LEPROTL1: variants seen among roughly 807,000 people sequenced by gnomAD.
LEPROTL1 encodes the protein leptin receptor overlapping transcript like 1.
Under a neutral mutation model 15.4 loss-of-function variants are expected in LEPROTL1, and 6 were observed. The observed-to-expected ratio is 0.39, with a 90% CI of 0.21 to 0.77. The LOEUF is 0.77. Among genes scored for constraint, LEPROTL1 ranks in the 30% least tolerant of loss-of-function variants. LEPROTL1 has a pLI of 0.41. For synonymous variants in LEPROTL1, 56 were observed against 52.6 expected (o/e 1.06, Z -0.28); for missense variants, 128 against 158.1 (o/e 0.81, Z 1.02).
intron 3 of LEPROTL1, among the ~76,000 whole-genome samples, chr8:30,123,575 A>G (rs1317088880): frequency 6.6e-6 from 1 of 152,226 alleles, no homozygotes. Flanking sequence ...CTCATGTCAT[A>G]CTAGCATTCC....
intron 3 of LEPROTL1, among the ~76,000 whole-genome samples, chr8:30,130,783 T>TTC (rs1240056772): frequency 6.7e-6 from 1 of 148,742 alleles, no homozygotes; most frequent in East Asian, 2.0e-4. Flanking sequence ...AAAAAAAAAT[T>TTC]TTTTTTTTTT....
rs1015624204 is a variant in LEPROTL1, at chr8:30,096,263, A to G, written c.16+735A>G. 1.4e-5 allele frequency: 14 copies of G among 965,790 alleles called. No homozygotes were observed. In the African/African-American group the frequency reaches 2.3e-4, roughly 16 times the overall value. The allele number at this position is 965,790 out of a possible 1,614,324, so 59.8% of individuals were successfully genotyped here. On this transcript the variant is annotated intron_variant, in intron 1 of 3. Coordinates refer to ENST00000321250, the MANE Select transcript of LEPROTL1 (RefSeq NM_015344.3). ...TTAATGAAAAACTACTGGCTTATTC[A>G]TGTATTTTCTTTTAAAAAAAGGAAT...
chr8:30,137,362 G>T, exon 5 of LEPROTL1: 2 of 1,551,672 alleles, frequency 1.3e-6, no homozygotes, highest in East Asian at 2.4e-5. Context: ...CCCAGCAGCC[G>T]CCATGAGAAG....
intron 3 of LEPROTL1, among the ~76,000 whole-genome samples, chr8:30,126,136 A>C (rs1340004626): frequency 1.3e-5 from 2 of 152,166 alleles, no homozygotes; most frequent in Non-Finnish European, 2.9e-5. Flanking sequence ...ATCTATCTAT[A>C]ATCTTGCCTG....
intron 3 of LEPROTL1, among the ~76,000 whole-genome samples, chr8:30,128,915 A>G (rs1802948609): frequency 6.6e-6 from 1 of 150,482 alleles, no homozygotes; most frequent in African/African-American, 2.4e-5. Context: ...TTTTTGAGAC[A>G]GAGTCTGAAA....
chr8:30,122,636 C>CA (rs1041345102), intron 3 of LEPROTL1, among the ~76,000 whole-genome samples: 6 of 151,898 alleles, frequency 4.0e-5, no homozygotes, highest in African/African-American at 2.4e-5. Context: ...ACTTAAAATA[C>CA]AAAAAAAATT....
intron 4 of LEPROTL1, among the ~76,000 whole-genome samples, chr8:30,134,407 G>A (rs1416209053): frequency 6.6e-6 from 1 of 150,920 alleles, no homozygotes; most frequent in Non-Finnish European, 1.5e-5. Context: ...TGGTGATAGA[G>A]CGAGACTGCA....
chr8:30,096,498 A>G (rs1273388527), intron 1 of LEPROTL1: 4 of 469,430 alleles, frequency 8.5e-6, no homozygotes, highest in African/African-American at 6.4e-5. Context: ...TTTCAGGGTC[A>G]CAGTCTTACT....
At chr8:30,099,719 G>A (rs1802432481) in intron 1 of LEPROTL1, among the ~76,000 whole-genome samples, 1 of 151,980 alleles carries the variant, frequency 6.6e-6, no homozygotes, top group Admixed American at 6.6e-5. Context: ...AAAGGACCAT[G>A]CCTCATTCAC....
exon 4 of LEPROTL1, chr8:30,132,432 A>G: frequency 6.4e-7 from 1 of 1,551,688 alleles, no homozygotes; most frequent in Middle Eastern, 1.7e-4. Flanking sequence ...GACCAAGCTC[A>G]GGCCCAAAGC....
At position 30,117,563 on chromosome 8, in the gene LEPROTL1, C is replaced by T. The variant is rs921661300; in HGVS notation, c.279+13077C>T. On this transcript the variant is annotated intron_variant, in intron 3 of 4. Coordinates refer to the LEPROTL1 transcript ENST00000442880. ...CAAATCTGGGGCTGATCACTCCACACTTGTTTAGCCTGTCTGTGAGGTTCA... is the reference window on the plus strand; with the variant it reads ...CAAATCTGGGGCTGATCACTCCACATTTGTTTAGCCTGTCTGTGAGGTTCA... The T allele has an allele frequency of 4.4e-6, 6 of 1,350,628 alleles. No individual in the cohort carries two copies. In the African/African-American group the frequency reaches 7.2e-5, roughly 16 times the overall value. The allele number at this position is 1,350,628 out of a possible 1,614,324, so 83.7% of individuals were successfully genotyped here.
Position 30,114,276 on chromosome 8 carries a change from TTTTTGTTTTG to T in LEPROTL1, c.279+9805_279+9814del, listed in dbSNP as rs3049944. ...AGAATGACACATCTTACATGATATT[TTTTTGTTTTG>T]TTTTGTTTTGTTTTATTTTTTTGAG... On this transcript the variant is annotated intron_variant, in intron 3 of 4. Transcript: ENST00000442880. Among the ~76,000 whole-genome samples, 4 of 149,428 alleles carry T rather than the reference TTTTTGTTTTG, an allele frequency of 2.7e-5. 1 individual carries two copies. The highest frequency in any genetic ancestry group is 7.4e-5 in the African/African-American group (3 of 40,420).
At chr8:30,135,280 A>C (rs1289027823) in intron 4 of LEPROTL1, among the ~76,000 whole-genome samples, 3 of 152,206 alleles carry the variant, frequency 2.0e-5, no homozygotes, top group Non-Finnish European at 4.4e-5. Context: ...TAAACATTAG[A>C]GATGCAAATA....
rs1802343178 is a variant in LEPROTL1 at position 30,095,457 on chromosome 8, C to G, written c.-56C>G. 1 of 1,461,996 alleles carries G rather than the reference C, an allele frequency of 6.8e-7. No individual in the cohort carries two copies. Among genetic ancestry groups the G allele is most frequent in the Non-Finnish European group, 9.0e-7 (1 of 1,110,768 alleles). 90.6% of individuals were successfully genotyped at this position (1,461,996 alleles called of 1,614,324 possible). On this transcript the variant is annotated 5_prime_UTR_variant, in exon 1 of 4. Coordinates refer to ENST00000321250, the MANE Select transcript of LEPROTL1 (RefSeq NM_015344.3). Reference sequence around the variant, plus strand: ...CCGTAGCGCGTCTTGGGTCTCCCGGCTGCCGCTGCTGCCGCCGCCGCCTCG... The same window carrying G: ...CCGTAGCGCGTCTTGGGTCTCCCGGGTGCCGCTGCTGCCGCCGCCGCCTCG...
chr8:30,095,559 TGGGGCCGGCG>T (rs1802345891), intron 1 of LEPROTL1, 31 bp downstream of exon 1: 1 of 1,359,886 alleles, frequency 7.4e-7, no homozygotes. Flanking sequence ...GCGGGAGGGC[TGGGGCCGGCG>T]GGGGAAGATG....
Position 30,106,393 on chromosome 8 carries a change from G to C in LEPROTL1, c.*531G>C, listed in dbSNP as rs563318253. 3 of 985,708 alleles carry C rather than the reference G, an allele frequency of 3.0e-6. No homozygotes were observed. The African/African-American group carries it at 5.2e-5, about 17-fold the overall frequency. 61.1% of individuals were successfully genotyped at this position (985,708 alleles called of 1,614,324 possible). A position where few individuals can be genotyped will look rare whatever the true frequency, so the allele number is the denominator to read the frequency against. On this transcript the variant is annotated 3_prime_UTR_variant, in exon 4 of 4. Coordinates refer to ENST00000321250, the MANE Select transcript of LEPROTL1 (RefSeq NM_015344.3). ...GCATACGTTATAGACTGTATACTCA[G>C]TGCAAATATAGCTGCATTTATACCT...
At chr8:30,097,859 T>C (rs1432890177) in intron 1 of LEPROTL1, among the ~76,000 whole-genome samples, 1 of 151,862 alleles carries the variant, frequency 6.6e-6, no homozygotes, top group Non-Finnish European at 1.5e-5. Flanking sequence ...AAATTGTTTT[T>C]TGATACCTGA....
chr8:30,118,019 G>GGTGGTT (rs751348725), intron 3 of LEPROTL1, among the ~76,000 whole-genome samples: 3 of 26,770 alleles, frequency 1.1e-4, no homozygotes, highest in African/African-American at 2.4e-4. Context: ...TTTTTGATTT[G>GGTGGTT]TTTTTTTTTT....
In LEPROTL1 at chr8:30,105,880, A is replaced by T. The variant is rs1486960633; in HGVS notation, c.*18A>T. On this transcript the variant is annotated 3_prime_UTR_variant, in exon 4 of 4. Coordinates refer to ENST00000321250, the MANE Select transcript of LEPROTL1 (RefSeq NM_015344.3). ...AGTGGTGAAAAGAAATTACTGAACT[A>T]TTGTCAAATGGACTTCCTGTCATTT... 2 of 1,496,236 alleles carry T rather than the reference A, an allele frequency of 1.3e-6. No homozygotes were observed. Among genetic ancestry groups the T allele is most frequent in the Non-Finnish European group, 1.8e-6 (2 of 1,121,216 alleles). 92.7% of individuals were successfully genotyped at this position (1,496,236 alleles called of 1,614,324 possible). A position where few individuals can be genotyped will look rare whatever the true frequency, so the allele number is the denominator to read the frequency against.
Sources: gnomAD v4.1 joint callset for allele counts (sites outside exome capture counted in the v4.1 genomes callset) on GRCh38, gnomAD v4.1.1 for gene constraint, MANE v1.5 for transcripts, NCBI Gene and HGNC (gene_info 2026-07-23, HGNC 2026-07-21) for gene names.